The following ACOT4 variants were observed in gnomAD, a reference collection of about 807,000 sequenced individuals.
ACOT4 encodes the protein peroxisomal succinyl-coenzyme A thioesterase.
ACOT4 carries 18 observed loss-of-function variants against 17.1 expected under a neutral mutation model. That is an observed-to-expected ratio of 1.05 (90% confidence interval 0.73 to 1.56). The LOEUF is 1.56. Among genes scored for constraint, ACOT4 ranks in the 40% most tolerant of loss-of-function variants. The probability of loss-of-function intolerance (pLI) is 0.00; values close to 1 mark genes in which losing one functional copy is unlikely to be tolerated. For missense variants in ACOT4, 574 were observed against 557.2 expected (o/e 1.03, Z -0.30); for synonymous variants, 234 against 236.6 (o/e 0.99, Z 0.10).
intron 1 of ACOT4, 71 bp from the exon 2 acceptor site, chr14:73,593,631 C>T (rs1388900741): frequency 1.4e-6 from 2 of 1,421,456 alleles, no homozygotes; most frequent in Admixed American, 2.1e-5. Context: ...GCATGAACCA[C>T]AGTGTCCAGC....
In ACOT4 at chr14:73,592,340, C is replaced by T; in HGVS notation, c.381C>T (p.Arg127=). The T allele has an allele frequency of 6.3e-7, 1 of 1,599,510 alleles. No individual in the cohort carries two copies. The change falls in exon 1 of 3, where the codon CGC becomes CGT. Residue 127 remains arginine, a synonymous_variant. Transcript: ENST00000326303. ...GRLLCQAQHE[R]HFLPPGVRRQ... ...TGCTGTGCCAGGCGCAGCACGAGCG[C>T]CACTTCCTCCCGCCAGGGGTGCGGC... is the stretch of plus-strand genomic sequence containing the variant.
Position 73,595,568 on chromosome 14 carries a change from G to A in ACOT4, c.1180G>A (p.Ala394Thr). The change falls in exon 3 of 3, where the codon GCC becomes ACC. Residue 394 changes from alanine (A) to threonine (T), a missense_variant. Coordinates refer to ENST00000326303, the MANE Select transcript of ACOT4 (RefSeq NM_152331.4). ...WGGEPRAHSK[A>T]QEDAWKQILA... ...TGGGGAGCCCAGGGCTCATTCTAAG[G>A]CCCAGGAAGATGCCTGGAAGCAAAT... 2 of 1,585,306 alleles carry A rather than the reference G, an allele frequency of 1.3e-6. No homozygotes were observed. Among genetic ancestry groups the A allele is most frequent in the Non-Finnish European group, 1.7e-6 (2 of 1,161,886 alleles).
intron 2 of ACOT4, 53 bp downstream of exon 2, chr14:73,593,957 G>C (rs924239790): frequency 6.7e-7 from 1 of 1,493,366 alleles, no homozygotes; most frequent in African/African-American, 1.4e-5. Context: ...TTTCCATAGA[G>C]AGTGTAACCT....
In ACOT4 at chr14:73,592,177, CG is replaced by C. The variant is rs747647670; in HGVS notation, c.221del (p.Gly74AspfsTer21). On this transcript the variant is annotated frameshift_variant, in exon 1 of 3. Coordinates refer to ENST00000326303, the MANE Select transcript of ACOT4 (RefSeq NM_152331.4). LOFTEE classifies it high-confidence loss of function. The stretch of plus-strand genomic sequence containing the variant: ...GCACCCGCGCTGGGCGGCAGCTTCG[CG>C]GGACTCGAGCCCATGGGGCTGCTCT... ...ERAPALGGSFAGLEPMGLLWA... is the reference protein window; with the variant it reads ...ERAPALGGSFXGLEPMGLLWA... The C allele has an allele frequency of 5.6e-6, 9 of 1,605,280 alleles. No homozygotes were observed. The African/African-American group carries it at 1.2e-4, about 22-fold the overall frequency.
chr14:73,594,714 C>T (rs200258783), intron 2 of ACOT4, among the ~76,000 whole-genome samples: 3 of 114,906 alleles, frequency 2.6e-5, no homozygotes, highest in Admixed American at 8.1e-5. Context: ...ATTTATTTAT[C>T]TTTTGAGACG....
chr14:73,592,625 G>A (rs1354854208), intron 1 of ACOT4, among the ~76,000 whole-genome samples: 2 of 152,338 alleles, frequency 1.3e-5, no homozygotes, highest in Non-Finnish European at 2.9e-5. Context: ...GGCCGAGATG[G>A]GCGGATCACT....
intron 1 of ACOT4, 129 bp downstream of exon 1, chr14:73,592,545 C>A: frequency 8.7e-7 from 1 of 1,145,888 alleles, no homozygotes; most frequent in Non-Finnish European, 1.2e-6. Context: ...ATGTCAGTGG[C>A]CACTCTACCA....
At position 73,592,146 on chromosome 14, in the gene ACOT4, G is replaced by C. The variant is rs1488102667; in HGVS notation, c.187G>C (p.Glu63Gln). 2 of 1,592,812 alleles carry C rather than the reference G, an allele frequency of 1.3e-6. No homozygotes were observed. The highest frequency in any genetic ancestry group is 1.1e-5 in the South Asian group (1 of 88,294). ...CGACGCCCGCGGCGAGCTGGACCTG[G>C]AGCGCGCACCCGCGCTGGGCGGCAG... ...CADARGELDL[E>Q]RAPALGGSFA... Residue 63 changes from glutamate to glutamine, a missense_variant, in exon 1 of 3, where the codon GAG becomes CAG. Transcript: ENST00000326303.
chr14:73,595,146 C>T lies in ACOT4; in HGVS notation c.758C>T (p.Ser253Phe). The change falls in exon 3 of 3, where the codon TCC (serine) becomes TTC (phenylalanine). Residue 253 changes from serine (S) to phenylalanine (F), a missense_variant. Transcript: ENST00000326303. ...TTGAAGAATGTCTCAGCCACAGTTTCCATCAATGGATCTGGGATCAGTGGG... is the reference window on the plus strand; with the variant it reads ...TTGAAGAATGTCTCAGCCACAGTTTTCATCAATGGATCTGGGATCAGTGGG... ...SFLKNVSATV[S>F]INGSGISGNT... 6.2e-7 allele frequency: 1 copy of T among 1,614,202 alleles called. No homozygotes were observed. Among genetic ancestry groups the T allele is most frequent in the South Asian group, 1.1e-5 (1 of 91,080 alleles).
chr14:73,593,336 CTT>C (rs60704237), intron 1 of ACOT4, among the ~76,000 whole-genome samples: 26,767 of 103,330 alleles, frequency 0.26, 1,726 homozygotes, highest in African/African-American at 0.38. Context: ...TTCTTTCTTT[CTT>C]TTTTTTTTTT....
In ACOT4 at chr14:73,593,788, G is replaced by T. The variant is rs748058839; in HGVS notation, c.544G>T (p.Gly182Cys). 7 of 1,613,972 alleles carry T rather than the reference G, an allele frequency of 4.3e-6. No homozygotes were observed. In the South Asian group the frequency reaches 7.7e-5, roughly 18 times the overall value. The part of the protein sequence containing the change: ...EYRASLLAGH[G>C]FATLALAYYN... The stretch of plus-strand genomic sequence containing the variant: ...TCGAGCCAGCCTCCTTGCTGGCCAT[G>T]GCTTTGCCACGTTGGCTCTAGCTTA... Residue 182 changes from glycine to cysteine, a missense_variant, in exon 2 of 3, where the codon GGC becomes TGC. Physicochemically the swap from Gly to Cys is radical, Grantham distance 159 (BLOSUM62 -3). Transcript: ENST00000326303.
rs1445340640 is a variant in ACOT4 at position 73,593,785 on chromosome 14, C to T, written c.541C>T (p.His181Tyr). Residue 181 changes from histidine (H) to tyrosine (Y), a missense_variant, in exon 2 of 3, where the codon CAT (histidine) becomes TAT (tyrosine). Transcript: ENST00000326303. ...ATATCGAGCCAGCCTCCTTGCTGGC[C>T]ATGGCTTTGCCACGTTGGCTCTAGC... ...LEYRASLLAG[H>Y]GFATLALAYY... The T allele has an allele frequency of 1.2e-6, 2 of 1,613,996 alleles. No individual in the cohort carries two copies. Among genetic ancestry groups the T allele is most frequent in the Admixed American group, 1.7e-5 (1 of 59,994 alleles).
Position 73,595,705 on chromosome 14 carries a change from C to T in ACOT4, c.*51C>T, listed in dbSNP as rs374994309. The T allele has an allele frequency of 6.0e-5, 90 of 1,498,086 alleles. No homozygotes were observed. The African/African-American group carries it at 1.1e-3, about 19-fold the overall frequency. 92.8% of individuals were successfully genotyped at this position (1,498,086 alleles called of 1,614,324 possible). On this transcript the variant is annotated 3_prime_UTR_variant, in exon 3 of 3. Transcript: ENST00000326303. ...AGATTCAAGATCAGATTCTAGTGTT[C>T]AGTAACCCTATGTGAATCAGATGTC...
intron 1 of ACOT4, 34 bp downstream of exon 1, chr14:73,592,450 CA>C (rs1227250621): frequency 6.8e-7 from 1 of 1,467,530 alleles, no homozygotes. Context: ...GTGTGAGCGT[CA>C]GTGGCCTGAG....
Position 73,591,914 on chromosome 14 carries a change from A to ACGGGTCT in ACOT4, c.-41_-35dup, listed in dbSNP as rs1485649767. 2.8e-5 allele frequency: 38 copies of ACGGGTCT among 1,344,138 alleles called. No individual in the cohort carries two copies. Among genetic ancestry groups the ACGGGTCT allele is most frequent in the Non-Finnish European group, 3.5e-5 (37 of 1,045,716 alleles). The allele number at this position is 1,344,138 out of a possible 1,614,324, so 83.3% of individuals were successfully genotyped here. A position where few individuals can be genotyped will look rare whatever the true frequency, so the allele number is the denominator to read the frequency against. On this transcript the variant is annotated 5_prime_UTR_variant, in exon 1 of 3. Transcript: ENST00000326303. ...TTCGGCGCGCTTGCCACGATCTTGGACGGGTCTCGGGCCTCGACCTTTGAA... is the reference window on the plus strand; with the variant it reads ...TTCGGCGCGCTTGCCACGATCTTGGACGGGTCTCGGGTCTCGGGCCTCGACCTTTGAA...
rs74248146 is a variant in ACOT4, at chr14:73,592,578, C to T, written c.457+162C>T. On this transcript the variant is annotated intron_variant, in intron 1 of 2. Coordinates refer to ENST00000326303, the MANE Select transcript of ACOT4 (RefSeq NM_152331.4). The stretch of plus-strand genomic sequence containing the variant: ...CCAAAATAGAGGGTTTGGTACCGGG[C>T]GTGGTGACTAACGCCTGTAATCCCA... Among the ~76,000 whole-genome samples, 3,932 of 152,292 alleles carry T rather than the reference C, an allele frequency of 0.026. 77 individuals carry two copies. Among genetic ancestry groups the T allele is most frequent in the Admixed American group, 0.066 (1,010 of 15,294 alleles).
chr14:73,593,181 C>T (rs761852844), intron 1 of ACOT4, among the ~76,000 whole-genome samples: 3 of 152,218 alleles, frequency 2.0e-5, no homozygotes, highest in Non-Finnish European at 2.9e-5. Context: ...ACACTTCAGA[C>T]TCCACTGCCT....
chr14:73,593,633 G>C, intron 1 of ACOT4, 69 bp from the exon 2 acceptor site: 1 of 1,436,116 alleles, frequency 7.0e-7, no homozygotes, highest in Non-Finnish European at 9.5e-7. Context: ...ATGAACCACA[G>C]TGTCCAGCCA....
At position 73,593,758 on chromosome 14, in the gene ACOT4, G is replaced by A. The variant is rs750100652; in HGVS notation, c.514G>A (p.Glu172Lys). Residue 172 changes from glutamate (E) to lysine (K), a missense_variant, in exon 2 of 3, where the codon GAA becomes AAA. Glu to Lys is a moderately conservative substitution (Grantham distance 56). Transcript: ENST00000326303. ...DIFGIGGGLL[E>K]YRASLLAGHG... The stretch of plus-strand genomic sequence containing the variant: ...CTTTGGTATTGGAGGGGGCCTCTTG[G>A]AATATCGAGCCAGCCTCCTTGCTGG... 2 of 1,613,868 alleles carry A rather than the reference G, an allele frequency of 1.2e-6. No individual in the cohort carries two copies. Among genetic ancestry groups the A allele is most frequent in the Non-Finnish European group, 1.7e-6 (2 of 1,179,848 alleles).
Sources: gnomAD v4.1 joint callset for allele counts (sites outside exome capture counted in the v4.1 genomes callset) on GRCh38, gnomAD v4.1.1 for gene constraint, MANE v1.5 for transcripts, NCBI Gene and HGNC (gene_info 2026-07-23, HGNC 2026-07-21) for gene names.